Variants in ATP2C1 observed in about 807,000 individuals in gnomAD.
ATP2C1 encodes calcium-transporting ATPase type 2C member 1.
A neutral mutation model predicts 120.5 loss-of-function variants in ATP2C1; 31 were observed. The ratio of observed to expected loss-of-function variants is 0.26; its 90% CI spans 0.19 to 0.35. The LOEUF is 0.35. ATP2C1 is among the 10% of genes least tolerant of loss of function. ATP2C1 has a pLI of 1.00. For missense variants in ATP2C1, 731 were observed against 1,107.5 expected, an observed-to-expected ratio of 0.66 and a Z score of 4.83; for synonymous variants, 351 against 358.7, an observed-to-expected ratio of 0.98 and a Z score of 0.24.
chr3:130,967,001 TA>T (rs2061075038), intron 14 of ATP2C1, 143 bp from the exon 15 acceptor site: 8 of 709,876 alleles, frequency 1.1e-5, no homozygotes, highest in Non-Finnish European at 2.0e-5. Context: ...AGACAAATTT[TA>T]ATGCTTTTCT....
chr3:130,857,246 C>T (rs1470400379), intron 1 of ATP2C1, among the ~76,000 whole-genome samples: 3 of 152,154 alleles, frequency 2.0e-5, no homozygotes, highest in Admixed American at 2.0e-4. Context: ...CTACAAGATG[C>T]CTGAGAGTTA....
At chr3:130,941,534 G>A in intron 7 of ATP2C1, 57 bp from the exon 8 acceptor site, 1 of 1,435,154 alleles carries the variant, frequency 7.0e-7, no homozygotes, top group East Asian at 2.3e-5. Context: ...AATTTTTTAA[G>A]ACAAGTTGCA....
At chr3:130,932,237 G>A in intron 4 of ATP2C1, 99 bp downstream of exon 4, 1 of 815,210 alleles carries the variant, frequency 1.2e-6, no homozygotes, top group East Asian at 2.5e-5. Flanking sequence ...ATGGAGAAAG[G>A]AAATAATTTT....
chr3:130,857,148 C>A (rs1183856293), intron 1 of ATP2C1, among the ~76,000 whole-genome samples: 1 of 152,138 alleles, frequency 6.6e-6, no homozygotes, highest in Non-Finnish European at 1.5e-5. Context: ...GTAATGACAA[C>A]CTTTTCCTCT....
chr3:130,988,396 C>A (rs995424722), intron 20 of ATP2C1, among the ~76,000 whole-genome samples: 2 of 152,166 alleles, frequency 1.3e-5, no homozygotes, highest in Non-Finnish European at 2.9e-5. Context: ...TAGATTGCTT[C>A]TGAAAATATG....
chr3:130,862,314 C>CTTTATTTATTTATTTA (rs56326023), intron 1 of ATP2C1, among the ~76,000 whole-genome samples: 10 of 138,058 alleles, frequency 7.2e-5, no homozygotes, highest in African/African-American at 8.1e-5. Flanking sequence ...TACTTATTCA[C>CTTTATTTATTTATTTA]TTTATTTATT....
At chr3:130,906,680 T>G (rs954505969) in intron 2 of ATP2C1, among the ~76,000 whole-genome samples, 15 of 151,564 alleles carry the variant, frequency 9.9e-5, no homozygotes, top group Admixed American at 3.9e-4. Flanking sequence ...TTGCTGTTTT[T>G]TTTTTTTTTT....
At chr3:130,917,581 C>T (rs1381272254) in intron 2 of ATP2C1, among the ~76,000 whole-genome samples, 1 of 152,080 alleles carries the variant, frequency 6.6e-6, no homozygotes, top group Non-Finnish European at 1.5e-5. Context: ...TATTTTACCT[C>T]GACATTTAAA....
chr3:130,910,357 T>G (rs1193320427), intron 2 of ATP2C1, among the ~76,000 whole-genome samples: 13 of 147,434 alleles, frequency 8.8e-5, no homozygotes, highest in Non-Finnish European at 1.6e-4. Context: ...GCTGAGACAA[T>G]GGGGTTTTCT....
chr3:130,918,555 T>C (rs2058789961), intron 2 of ATP2C1: 4 of 744,278 alleles, frequency 5.4e-6, no homozygotes, highest in Admixed American at 3.5e-5. Flanking sequence ...CCACGGTCCA[T>C]GTTAAGTATG....
At chr3:130,871,454 T>C (rs2068425852) in intron 1 of ATP2C1, among the ~76,000 whole-genome samples, 1 of 152,154 alleles carries the variant, frequency 6.6e-6, no homozygotes, top group African/African-American at 2.4e-5. Context: ...AGGACTGAGG[T>C]GGGGCCCAAG....
At chr3:130,931,319 C>G (rs896457162) in intron 3 of ATP2C1, among the ~76,000 whole-genome samples, 2 of 151,988 alleles carry the variant, frequency 1.3e-5, no homozygotes, top group South Asian at 4.1e-4. Context: ...GAGAGAATAA[C>G]TGAAGGATGT....
chr3:131,008,179 C>T (rs946634763), intron 26 of ATP2C1, among the ~76,000 whole-genome samples: 1 of 152,090 alleles, frequency 6.6e-6, no homozygotes, highest in African/African-American at 2.4e-5. Flanking sequence ...GACTCACACC[C>T]TTAATCCCAG....
intron 1 of ATP2C1, among the ~76,000 whole-genome samples, chr3:130,861,162 G>C (rs145434810): frequency 2.6e-5 from 4 of 152,082 alleles, no homozygotes; most frequent in African/African-American, 4.8e-5. Flanking sequence ...CTAGTTACTC[G>C]GGAGGCTGAG....
At chr3:130,963,095 A>G (rs2060896077) in intron 12 of ATP2C1, 1 of 151,998 alleles carries the variant, frequency 6.6e-6, no homozygotes, top group Admixed American at 6.6e-5. Flanking sequence ...TGGCACAAAG[A>G]AAGACTTGTT....
intron 3 of ATP2C1, 49 bp from the exon 4 acceptor site, chr3:130,931,969 TTTTC>T: frequency 8.3e-7 from 1 of 1,206,348 alleles, no homozygotes; most frequent in Non-Finnish European, 1.2e-6. Flanking sequence ...TTTTTTGTGT[TTTTC>T]TTTTCTGTGC....
chr3:130,956,254 G>A, intron 11 of ATP2C1, 75 bp downstream of exon 11: 1 of 871,882 alleles, frequency 1.1e-6, no homozygotes. Flanking sequence ...TGGTATTCTA[G>A]TTTTATTTAT....
downstream of ATP2C1, among the ~76,000 whole-genome samples, chr3:131,003,661 T>A (rs2062992646): frequency 1.3e-5 from 2 of 152,000 alleles, no homozygotes; most frequent in Admixed American, 6.6e-5. Context: ...CCGAAGACCC[T>A]CCCCTCTCAG....
In ATP2C1 at chr3:131,001,310, A is replaced by T. The variant is rs767081477; in HGVS notation, c.2720A>T (p.Lys907Met). 6.2e-7 allele frequency: 1 copy of T among 1,613,670 alleles called. No individual in the cohort carries two copies. The highest frequency in any genetic ancestry group is 8.5e-7 in the Non-Finnish European group (1 of 1,179,700). ...KVERSREKIQKHVSSTSSSFL... is the reference protein window; with the variant it reads ...KVERSREKIQMHVSSTSSSFL... ...GAAAGGAGCAGGGAAAAGATCCAGAAGCATGTTAGTTCGACATCATCATCT... is the reference window on the plus strand; with the variant it reads ...GAAAGGAGCAGGGAAAAGATCCAGATGCATGTTAGTTCGACATCATCATCT... Residue 907 changes from lysine to methionine, a missense_variant, in exon 28 of 28, where the codon AAG becomes ATG. By Grantham distance (95) the Lys-to-Met change is moderately conservative (BLOSUM62 -1). Transcript: ENST00000510168.
Sources: allele counts gnomAD v4.1 joint callset (sites outside exome capture counted in the v4.1 genomes callset), GRCh38; gene constraint gnomAD v4.1.1; transcripts MANE v1.5; gene names NCBI Gene and HGNC (gene_info 2026-07-23, HGNC 2026-07-21).